The following PPL variants were observed in gnomAD, a reference collection of about 807,000 sequenced individuals.
PPL encodes the protein 190 kDa paraneoplastic pemphigus antigen.
PPL carries 198 observed loss-of-function variants against 194.4 expected under a neutral mutation model. That is an observed-to-expected ratio of 1.02 (90% CI 0.91 to 1.15). The LOEUF is 1.15. Ranked by LOEUF, PPL falls within the 50% of genes most tolerant of loss-of-function variation. The probability of loss-of-function intolerance (pLI) is 0.00; values close to 1 mark genes in which losing one functional copy is unlikely to be tolerated. For missense variants in PPL, 2,885 were observed against 2,294.8 expected (o/e 1.26, Z -5.25); for synonymous variants, 1,220 against 972.4 (o/e 1.25, Z -4.74).
intron 1 of PPL, among the ~76,000 whole-genome samples, chr16:4,921,612 A>G (rs1032503670): frequency 6.6e-6 from 1 of 152,064 alleles, no homozygotes; most frequent in Non-Finnish European, 1.5e-5. Context: ...AATTACAGAC[A>G]TGCACCACCA....
intron 2 of PPL, among the ~76,000 whole-genome samples, chr16:4,907,966 C>A (rs1414064062): frequency 1.3e-5 from 2 of 151,568 alleles, no homozygotes; most frequent in African/African-American, 4.9e-5. Context: ...CCAGCCTGGC[C>A]AATGTGATGA....
intron 1 of PPL, among the ~76,000 whole-genome samples, chr16:4,911,622 T>A (rs1235810851): frequency 5.3e-5 from 8 of 152,078 alleles, no homozygotes; most frequent in African/African-American, 1.9e-4. Context: ...GCAGCCTCTA[T>A]CTCCCAGGCT....
At chr16:4,920,466 T>C (rs902893090) in intron 1 of PPL, among the ~76,000 whole-genome samples, 21 of 152,086 alleles carry the variant, frequency 1.4e-4, no homozygotes, top group Non-Finnish European at 2.2e-4. Context: ...AGATCATTTA[T>C]ACTCTTTTTA....
chr16:4,893,393 G>A lies in PPL; in HGVS notation c.1493-23C>T, dbSNP rs1325188097. 4.4e-6 allele frequency: 7 copies of A among 1,602,268 alleles called. No homozygotes were observed. The East Asian group carries it at 6.7e-5, about 15-fold the overall frequency. On this transcript the variant is annotated intron_variant, in intron 13 of 21. Coordinates refer to ENST00000345988, the MANE Select transcript of PPL (RefSeq NM_002705.5). ...CATCTGTGGAGGGAGGGAGGACACA[G>A]GCAGGTGTGACAACGGGCCAGGGGT...
chr16:4,898,454 T>C (rs745966347), intron 8 of PPL, among the ~76,000 whole-genome samples: 3 of 152,120 alleles, frequency 2.0e-5, no homozygotes, highest in Non-Finnish European at 4.4e-5. Flanking sequence ...CAGATGTCAT[T>C]AGTTAAGGAT....
In PPL at chr16:4,883,917, G is replaced by C. The variant is rs767782882; in HGVS notation, c.4738C>G (p.Arg1580Gly). 2.5e-6 allele frequency: 4 copies of C among 1,613,956 alleles called. No homozygotes were observed. In the East Asian group the frequency reaches 6.7e-5, roughly 27 times the overall value. Residue 1580 changes from arginine (R) to glycine (G), a missense_variant, in exon 22 of 22, where the codon CGA (arginine) becomes GGA (glycine). Transcript: ENST00000345988. This position sits in a 1 kb window ranked among gnomAD's most constrained non-coding sequence, Gnocchi z 4.8. ...LERQNLQLET[R>G]RLQSEINMAA... ...ATGTTGATTTCCGATTGGAGCCTTC[G>C]GGTCTCCAGCTGCAGGTTTTGCCTC...
At chr16:4,929,217 C>T (rs1226369692) in intron 1 of PPL, among the ~76,000 whole-genome samples, 1 of 151,778 alleles carries the variant, frequency 6.6e-6, no homozygotes. Context: ...CAGTTCTGGT[C>T]CCCTCCCCTC....
chr16:4,931,613 C>G (rs551722873), intron 1 of PPL, among the ~76,000 whole-genome samples: 1 of 152,126 alleles, frequency 6.6e-6, no homozygotes, highest in Non-Finnish European at 1.5e-5. Context: ...CCGGTAACAC[C>G]GGCACAGACC....
chr16:4,901,405 C>G (rs1282968430), intron 4 of PPL, among the ~76,000 whole-genome samples: 2 of 152,180 alleles, frequency 1.3e-5, no homozygotes, highest in African/African-American at 4.8e-5. Flanking sequence ...ATTGGGAAAG[C>G]TGGCCAGGCA....
chr16:4,910,256 GCACC>G (rs1398347612), intron 2 of PPL, among the ~76,000 whole-genome samples: 1 of 152,216 alleles, frequency 6.6e-6, no homozygotes, highest in Non-Finnish European at 1.5e-5. Flanking sequence ...AGAAAGACCT[GCACC>G]CTGAGTGCTG....
At chr16:4,906,827 C>T (rs923549030) in intron 2 of PPL, among the ~76,000 whole-genome samples, 34 of 152,152 alleles carry the variant, frequency 2.2e-4, no homozygotes, top group African/African-American at 8.0e-4. Context: ...AGACAGTTAC[C>T]CATCTTGCCA....
intron 1 of PPL, among the ~76,000 whole-genome samples, chr16:4,924,845 C>T (rs2089126516): frequency 6.6e-6 from 1 of 152,242 alleles, no homozygotes; most frequent in Non-Finnish European, 1.5e-5. Flanking sequence ...AGCAGCCACC[C>T]CGGTAACAGA....
chr16:4,937,046 G>A lies in PPL; in HGVS notation c.-1C>T. 6.8e-7 allele frequency: 1 copy of A among 1,475,722 alleles called. No homozygotes were observed. Among genetic ancestry groups the A allele is most frequent in the Non-Finnish European group, 9.0e-7 (1 of 1,106,624 alleles). 91.4% of individuals were successfully genotyped at this position (1,475,722 alleles called of 1,614,324 possible). A position where few individuals can be genotyped will look rare whatever the true frequency, so the allele number is the denominator to read the frequency against. On this transcript the variant is annotated 5_prime_UTR_variant, in exon 1 of 22. Coordinates refer to ENST00000345988, the MANE Select transcript of PPL (RefSeq NM_002705.5). ...TTCTCTTCCTGAAGAGCGAGTTCAT[G>A]GTGGCGCTCGGGGTGCGGGCGGCGG...
Position 4,894,701 on chromosome 16 carries a change from T to G in PPL, c.1243-83A>C. The G allele has an allele frequency of 2.0e-6, 3 of 1,512,520 alleles. No homozygotes were observed. In the South Asian group the frequency reaches 3.6e-5, roughly 18 times the overall value. 93.7% of individuals were successfully genotyped at this position (1,512,520 alleles called of 1,614,324 possible). On this transcript the variant is annotated intron_variant, in intron 11 of 21. Transcript: ENST00000345988. ...CGGTTGCCATCTCAGCCCCCGACTC[T>G]TGGACCTGGGGAGCCCCGGCTCATC...
At chr16:4,895,137 G>T in intron 11 of PPL, 124 bp downstream of exon 11, 2 of 1,250,618 alleles carry the variant, frequency 1.6e-6, no homozygotes, top group Non-Finnish European at 2.1e-6. Flanking sequence ...GGAAGGGTTG[G>T]CAGAGTGACA....
chr16:4,908,490 A>C (rs1176092715), intron 2 of PPL, among the ~76,000 whole-genome samples: 1 of 152,086 alleles, frequency 6.6e-6, no homozygotes, highest in Non-Finnish European at 1.5e-5. Flanking sequence ...CAATATGTTA[A>C]TAGTCAGTAG....
At chr16:4,897,582 G>A (rs2088456605) in intron 9 of PPL, 93 bp downstream of exon 9, 5 of 975,840 alleles carry the variant, frequency 5.1e-6, no homozygotes, top group South Asian at 1.5e-5. Context: ...CTGGACCAAG[G>A]AGCACGAGGC....
chr16:4,897,587 C>A (rs995652317), intron 9 of PPL, 88 bp downstream of exon 9: 15 of 1,037,094 alleles, frequency 1.4e-5, no homozygotes, highest in Non-Finnish European at 2.2e-5. Context: ...CCAAGGAGCA[C>A]GAGGCCACAC....
In PPL at chr16:4,892,993, G is replaced by C. The variant is rs948806696; in HGVS notation, c.1650+220C>G. On this transcript the variant is annotated intron_variant, in intron 14 of 21. Transcript: ENST00000345988. ...AGGCGTCAGATCGACAAGCCGTGCA[G>C]GAACAATGCAAGTCCTGCCAGCTCT... The C allele has an allele frequency of 9.1e-6, 5 of 548,774 alleles. No individual in the cohort carries two copies. The South Asian group carries it at 1.3e-4, about 15-fold the overall frequency. The allele number at this position is 548,774 out of a possible 1,614,324, so 34.0% of individuals were successfully genotyped here. A position where few individuals can be genotyped will look rare whatever the true frequency, so the allele number is the denominator to read the frequency against.
Sources: allele counts gnomAD v4.1 joint callset (sites outside exome capture counted in the v4.1 genomes callset), GRCh38; gene constraint gnomAD v4.1.1; non-coding constraint Gnocchi (gnomAD v3.1); transcripts MANE v1.5; gene names NCBI Gene and HGNC (gene_info 2026-07-23, HGNC 2026-07-21).